Variants in NCOA7 observed in about 807,000 individuals in gnomAD.
NCOA7 encodes nuclear receptor coactivator 7, also known as 140 kDa estrogen receptor-associated protein.
A neutral mutation model predicts 104.3 loss-of-function variants in NCOA7; 45 were observed. The observed-to-expected ratio is 0.43, with a 90% CI of 0.34 to 0.55. The LOEUF is 0.55. Ranked by LOEUF, NCOA7 falls within the 20% of genes least tolerant of loss-of-function variation. NCOA7 has a pLI of 0.02. For missense variants in NCOA7, 1,041 were observed against 1,119.7 expected, an observed-to-expected ratio of 0.93 and a Z score of 1.00; for synonymous variants, 398 against 402.3, an observed-to-expected ratio of 0.99 and a Z score of 0.13.
chr6:125,803,633 T>C (rs1318991185), intron 1 of NCOA7, among the ~76,000 whole-genome samples: 3 of 152,228 alleles, frequency 2.0e-5, no homozygotes, highest in Non-Finnish European at 4.4e-5. Context: ...ATTTTGAAAA[T>C]GCATTCAATT....
chr6:125,809,711 G>C (rs1301224760), intron 1 of NCOA7, among the ~76,000 whole-genome samples: 3 of 152,166 alleles, frequency 2.0e-5, no homozygotes, highest in Non-Finnish European at 4.4e-5. Context: ...GGTCCATTTT[G>C]ATCTGTTCCT....
chr6:125,906,383 A>G (rs574631906), intron 10 of NCOA7, among the ~76,000 whole-genome samples: 10 of 152,284 alleles, frequency 6.6e-5, no homozygotes, highest in African/African-American at 2.4e-4. Context: ...AGAGTAGGAA[A>G]GAAAAAAAGC....
chr6:125,816,437 T>G (rs1442570980), intron 2 of NCOA7, among the ~76,000 whole-genome samples: 2 of 152,204 alleles, frequency 1.3e-5, no homozygotes, highest in Non-Finnish European at 1.5e-5. Flanking sequence ...AGAGTCAGTA[T>G]TAAACATAAG....
At chr6:125,853,897 G>A (rs1781337311) in intron 2 of NCOA7, among the ~76,000 whole-genome samples, 1 of 152,142 alleles carries the variant, frequency 6.6e-6, no homozygotes, top group African/African-American at 2.4e-5. Flanking sequence ...CTCAGGGAGG[G>A]ACCTCTCTAG....
intron 1 of NCOA7, among the ~76,000 whole-genome samples, chr6:125,809,118 T>C (rs1467078952): frequency 6.6e-6 from 1 of 152,196 alleles, no homozygotes; most frequent in Non-Finnish European, 1.5e-5. Flanking sequence ...GTTTTTTTGT[T>C]GTTGTTGCAT....
chr6:125,897,741 A>G (rs1363648486), intron 10 of NCOA7, among the ~76,000 whole-genome samples: 2 of 151,944 alleles, frequency 1.3e-5, no homozygotes, highest in Admixed American at 1.3e-4. Flanking sequence ...GTGCAATGGC[A>G]TGATCTCGGC....
intron 3 of NCOA7, among the ~76,000 whole-genome samples, chr6:125,861,405 A>G (rs1217082004): frequency 1.3e-5 from 2 of 152,212 alleles, no homozygotes; most frequent in African/African-American, 2.4e-5. Context: ...TTCTAAACAT[A>G]AACAGGTCAA....
chr6:125,784,304 T>A (rs1774360872), intron 1 of NCOA7, among the ~76,000 whole-genome samples: 1 of 152,196 alleles, frequency 6.6e-6, no homozygotes, highest in Non-Finnish European at 1.5e-5. Context: ...CAAAACAGGA[T>A]CCCTGACCTT....
At position 125,911,756 on chromosome 6, in the gene NCOA7, A is replaced by G. The variant is rs567258038; in HGVS notation, c.2097-3577A>G. Among the ~76,000 whole-genome samples, 40 of 152,318 alleles carry G rather than the reference A, an allele frequency of 2.6e-4. No individual in the cohort carries two copies. The South Asian group carries it at 3.9e-3, about 15-fold the overall frequency. On this transcript the variant is annotated intron_variant, in intron 10 of 15. Transcript: ENST00000392477. The stretch of plus-strand genomic sequence containing the variant: ...CGTGACTCTGGTCGGTCTTCGTTCC[A>G]TCTTCGCAATCAGATTCAAGTGGCT...
At chr6:125,802,398 G>A (rs535527320) in intron 1 of NCOA7, 5 of 152,282 alleles carry the variant, frequency 3.3e-5, no homozygotes, top group African/African-American at 1.2e-4. Flanking sequence ...CAAAGCTGAG[G>A]TTCAAGTTCG....
chr6:125,914,633 A>G (rs1242599122), intron 10 of NCOA7, among the ~76,000 whole-genome samples: 2 of 152,180 alleles, frequency 1.3e-5, no homozygotes, highest in African/African-American at 4.8e-5. Context: ...TCCTGTTGTG[A>G]TGGTTATAGT....
rs140441376 is a variant in NCOA7 at position 125,861,187 on chromosome 6, G to A, written c.271+5947G>A. On this transcript the variant is annotated intron_variant, in intron 3 of 15. Transcript: ENST00000392477. ...TGAAATCCTCTGCTTTTCCTTTGCT[G>A]TCTGTTTTGGTTTTTTGACAATGTG... 5.0e-4 allele frequency among the ~76,000 whole-genome samples: 76 copies of A among 152,262 alleles called. 1 individual carries two copies. In the East Asian group the frequency reaches 0.012, roughly 24 times the overall value.
At chr6:125,842,198 T>C (rs1780235276) in intron 2 of NCOA7, among the ~76,000 whole-genome samples, 1 of 152,194 alleles carries the variant, frequency 6.6e-6, no homozygotes, top group Admixed American at 6.5e-5. Flanking sequence ...CTAAACTGAT[T>C]CGTTTCAGGA....
chr6:125,783,439 T>C (rs1025948174), intron 1 of NCOA7, among the ~76,000 whole-genome samples: 2 of 152,226 alleles, frequency 1.3e-5, no homozygotes, highest in Non-Finnish European at 2.9e-5. Context: ...AAAATGGTGA[T>C]ATTTTATCAT....
In NCOA7 at chr6:125,922,572, T is replaced by C. The variant is rs113431022; in HGVS notation, c.2371-110T>C. The C allele has an allele frequency of 1.2e-3, 1,436 of 1,245,952 alleles. 6 individuals are homozygous for C. Among genetic ancestry groups the C allele is most frequent in the African/African-American group, 0.011 (762 of 67,154 alleles). 77.2% of individuals were successfully genotyped at this position (1,245,952 alleles called of 1,614,324 possible). On this transcript the variant is annotated intron_variant, in intron 12 of 15. Transcript: ENST00000392477. ...TTTGCCAGAATAAGGAGGGGCACTA[T>C]GTGAGTGTATGATACTGAGTTTGAA...
chr6:125,879,276 G>C (rs1783628749), intron 5 of NCOA7, among the ~76,000 whole-genome samples: 1 of 152,202 alleles, frequency 6.6e-6, no homozygotes, highest in African/African-American at 2.4e-5. Flanking sequence ...GTGCATCATA[G>C]AGGACAAATA....
intron 13 of NCOA7, among the ~76,000 whole-genome samples, chr6:125,926,729 G>A (rs1445822110): frequency 1.3e-5 from 2 of 152,218 alleles, no homozygotes; most frequent in Non-Finnish European, 2.9e-5. Context: ...AGCACACAGA[G>A]ATTGTGATCT....
At chr6:125,828,770 C>T (rs1268896596) in intron 2 of NCOA7, among the ~76,000 whole-genome samples, 3 of 152,110 alleles carry the variant, frequency 2.0e-5, no homozygotes, top group Non-Finnish European at 2.9e-5. Context: ...TTTACTTGTG[C>T]GGATTGGTGG....
At position 125,885,296 on chromosome 6, in the gene NCOA7, G is replaced by T. The variant is rs149399962; in HGVS notation, c.837G>T (p.Ala279=). 1.7e-5 allele frequency: 27 copies of T among 1,613,970 alleles called. No homozygotes were observed. In the African/African-American group the frequency reaches 2.9e-4, roughly 18 times the overall value. ...CCATGGAAGAGGTTGTTTCCATTGCGCTCTACAATGACATTTCTCACATGA... is the reference window on the plus strand; with the variant it reads ...CCATGGAAGAGGTTGTTTCCATTGCTCTCTACAATGACATTTCTCACATGA... The part of the protein sequence containing the change: ...ICPMEEVVSI[A]LYNDISHMKI... Residue 279 remains alanine (A), a synonymous_variant, in exon 8 of 16, where the codon GCG becomes GCT. Coordinates refer to ENST00000392477, the MANE Select transcript of NCOA7 (RefSeq NM_181782.5).
Sources: allele counts gnomAD v4.1 joint callset (sites outside exome capture counted in the v4.1 genomes callset), GRCh38; gene constraint gnomAD v4.1.1; transcripts MANE v1.5; gene names NCBI Gene and HGNC (gene_info 2026-07-23, HGNC 2026-07-21).